The following COL4A5 variants were observed in gnomAD, a reference collection of about 807,000 sequenced individuals.
The protein encoded by COL4A5 is collagen type IV alpha 5 chain, also known as collagen alpha-5(IV) chain.
A neutral mutation model predicts 130.2 loss-of-function variants in COL4A5; 26 were observed. That is an observed-to-expected ratio of 0.20 (90% CI 0.15 to 0.28). The LOEUF (loss-of-function observed/expected upper bound fraction) is 0.28, where lower values mean the gene tolerates loss of function less well. Ranked by LOEUF, COL4A5 falls within the 10% of genes least tolerant of loss-of-function variation. COL4A5 has a pLI of 1.00. For missense variants in COL4A5, 1,131 were observed against 1,344.3 expected, an observed-to-expected ratio of 0.84 and a Z score of 2.48; for synonymous variants, 496 against 439.6, an observed-to-expected ratio of 1.13 and a Z score of -1.60.
At chrX:108,480,277 G>A (rs2064876117) in intron 1 of COL4A5, among the ~76,000 whole-genome samples, 1 of 112,346 alleles carries the variant, frequency 8.9e-6, no homozygotes, top group Non-Finnish European at 1.9e-5. Flanking sequence ...CACCTTGGAA[G>A]GAATATCTTG....
intron 36 of COL4A5, among the ~76,000 whole-genome samples, chrX:108,630,042 C>T (rs768864896): frequency 8.9e-6 from 1 of 111,971 alleles, no homozygotes; most frequent in South Asian, 3.7e-4. Context: ...CACATTTTCT[C>T]AATCCAGTGT....
intron 2 of COL4A5, among the ~76,000 whole-genome samples, chrX:108,555,418 CA>C (rs1181501626): frequency 9.0e-6 from 1 of 111,587 alleles, no homozygotes; most frequent in African/African-American, 3.3e-5. Flanking sequence ...AGGTATTATG[CA>C]AAAAAGAGAA....
chrX:108,485,285 G>A (rs1328669607), intron 1 of COL4A5, among the ~76,000 whole-genome samples: 1 of 112,023 alleles, frequency 8.9e-6, no homozygotes, highest in African/African-American at 3.2e-5. Context: ...CCCTCTTGTT[G>A]TTGTACCCCA....
chrX:108,441,908 G>A (rs1363451945), intron 1 of COL4A5, among the ~76,000 whole-genome samples: 1 of 111,593 alleles, frequency 9.0e-6, no homozygotes, highest in Non-Finnish European at 1.9e-5. Flanking sequence ...TAACAATGAG[G>A]TTTCTTTTTA....
At chrX:108,615,148 GTA>G in intron 30 of COL4A5, 124 bp downstream of exon 30, 1 of 529,981 alleles carries the variant, frequency 1.9e-6, no homozygotes, top group Non-Finnish European at 3.3e-6. Context: ...CTATCTATGT[GTA>G]TGATTTTATA....
At chrX:108,512,961 A>T (rs964076642) in intron 1 of COL4A5, among the ~76,000 whole-genome samples, 1 of 110,970 alleles carries the variant, frequency 9.0e-6, no homozygotes, top group Non-Finnish European at 1.9e-5. Context: ...AGACGGCCAC[A>T]CCCAAGGGGG....
intron 28 of COL4A5, among the ~76,000 whole-genome samples, chrX:108,605,559 GAC>G (rs762460454): frequency 8.9e-6 from 1 of 112,097 alleles, no homozygotes; most frequent in South Asian, 3.7e-4. Flanking sequence ...ACCAAAATGT[GAC>G]ACAGAGACAA....
In COL4A5 at chrX:108,621,887, T is replaced by A; in HGVS notation, c.2762T>A (p.Leu921His). The change falls in exon 32 of 53, where the codon CTT (leucine) becomes CAT (histidine). Residue 921 changes from leucine (L) to histidine (H), a missense_variant. Transcript: ENST00000328300. ...GIPGRSGVPG[L>H]KGDDGLQGQP... ...CCTGGCAGGAGTGGTGTACCTGGTC[T>A]TAAAGGTAATAATCAAGGTTTGCTG... 1 of 1,193,187 alleles carries A rather than the reference T, an allele frequency of 8.4e-7. No individual in the cohort carries two copies. The highest frequency in any genetic ancestry group is 1.1e-6 in the Non-Finnish European group (1 of 879,052).
Position 108,679,682 on chromosome X carries a change from C to A in COL4A5, c.3943-997C>A, listed in dbSNP as rs765353432. Reference sequence around the variant, plus strand: ...TCCTGCACTTGAAGTAGAGCAATAGCCTCCTATATGATCTTGCTATTCTAT... The same window carrying A: ...TCCTGCACTTGAAGTAGAGCAATAGACTCCTATATGATCTTGCTATTCTAT... On this transcript the variant is annotated intron_variant, in intron 44 of 52. Coordinates refer to ENST00000328300, the MANE Select transcript of COL4A5 (RefSeq NM_033380.3). Among the ~76,000 whole-genome samples the A allele has an allele frequency of 2.6e-3, 288 of 110,945 alleles. 2 individuals carry two copies. The highest frequency in any genetic ancestry group is 9.2e-3 in the African/African-American group (281 of 30,440).
At chrX:108,680,810 C>T in intron 45 of COL4A5, 59 bp downstream of exon 45, 1 of 1,184,094 alleles carries the variant, frequency 8.4e-7, no homozygotes, top group Non-Finnish European at 1.1e-6. Context: ...GACAAGATAG[C>T]CATTTTCTGA....
chrX:108,597,372 T>G lies in COL4A5; in HGVS notation c.1588-5T>G. ...CTTTTTTCTTTTTTTCCTTACTCAT[T>G]TCAGGGCATTCCAGGAGCTCCAGGT... On this transcript the variant is annotated splice_region_variant and splice_polypyrimidine_tract_variant and intron_variant, in intron 23 of 52. Transcript: ENST00000328300. 1.7e-6 allele frequency: 2 copies of G among 1,207,016 alleles called. No individual in the cohort carries two copies. Among genetic ancestry groups the G allele is most frequent in the Non-Finnish European group, 2.2e-6 (2 of 891,525 alleles).
intron 1 of COL4A5, among the ~76,000 whole-genome samples, chrX:108,510,457 C>G (rs776896655): frequency 1.3e-4 from 14 of 110,298 alleles, no homozygotes; most frequent in Non-Finnish European, 2.7e-4. Context: ...CTGTTCCATC[C>G]TTTGTCTTTC....
chrX:108,464,534 ATTAAG>A (rs1392268180), intron 1 of COL4A5, among the ~76,000 whole-genome samples: 2 of 112,277 alleles, frequency 1.8e-5, no homozygotes, highest in South Asian at 3.6e-4. Context: ...AAGATTTTAA[ATTAAG>A]TTATTAAACT....
At chrX:108,524,784 T>G (rs73524493) in intron 1 of COL4A5, among the ~76,000 whole-genome samples, 11,711 of 111,326 alleles carry the variant, frequency 0.11, 1,341 homozygotes, top group African/African-American at 0.34. Flanking sequence ...TTTCTTTTCT[T>G]TATACTTGTT....
intron 1 of COL4A5, among the ~76,000 whole-genome samples, chrX:108,484,140 T>G (rs1288736938): frequency 8.9e-6 from 1 of 112,265 alleles, no homozygotes; most frequent in African/African-American, 3.2e-5. Context: ...TCAATTGCAT[T>G]TTCAACTCTA....
At chrX:108,473,287 CCTT>C (rs1206662477) in intron 1 of COL4A5, among the ~76,000 whole-genome samples, 1 of 109,828 alleles carries the variant, frequency 9.1e-6, no homozygotes, top group East Asian at 2.9e-4. Flanking sequence ...GGAGTGTATT[CCTT>C]CTTCTCATAA....
At chrX:108,634,201 A>G (rs1420622887) in intron 36 of COL4A5, among the ~76,000 whole-genome samples, 1 of 98,276 alleles carries the variant, frequency 1.0e-5, no homozygotes, top group African/African-American at 3.9e-5. Context: ...GCCAACAAAG[A>G]AGAAAGTGCA....
chrX:108,524,150 C>T (rs1192450166), intron 1 of COL4A5, among the ~76,000 whole-genome samples: 1 of 111,651 alleles, frequency 9.0e-6, no homozygotes, highest in Admixed American at 9.5e-5. Flanking sequence ...AAAAAATTTG[C>T]ATAGGGATTG....
In COL4A5 at chrX:108,496,498, G is replaced by T. The variant is rs1207632002; in HGVS notation, c.82-43248G>T. 4.5e-5 allele frequency among the ~76,000 whole-genome samples: 5 copies of T among 111,273 alleles called. No homozygotes were observed. In the East Asian group the frequency reaches 1.4e-3, roughly 31 times the overall value. ...CAGAATATGTTCTATCTTGGTGTGT[G>T]TTCTATATACATTTGAGAAGAATGT... On this transcript the variant is annotated intron_variant, in intron 1 of 52. Coordinates refer to ENST00000328300, the MANE Select transcript of COL4A5 (RefSeq NM_033380.3).
Sources: gnomAD v4.1 joint callset for allele counts (sites outside exome capture counted in the v4.1 genomes callset) on GRCh38, gnomAD v4.1.1 for gene constraint, MANE v1.5 for transcripts, NCBI Gene and HGNC (gene_info 2026-07-23, HGNC 2026-07-21) for gene names.